PLXNC1: variants seen among roughly 807,000 people sequenced by gnomAD.
PLXNC1 encodes the protein plexin-C1.
Under a neutral mutation model 178.2 loss-of-function variants are expected in PLXNC1, and 75 were observed. The observed-to-expected ratio is 0.42, with a 90% CI of 0.35 to 0.51. The LOEUF (loss-of-function observed/expected upper bound fraction) is 0.51. PLXNC1 is among the 20% of genes least tolerant of loss of function. The pLI is 0.02. For missense variants in PLXNC1, 1,503 were observed against 1,984.4 expected (o/e 0.76, Z 4.61); for synonymous variants, 790 against 779.9 (o/e 1.01, Z -0.22).
At chr12:94,218,258 C>T (rs1029778775) in intron 5 of PLXNC1, among the ~76,000 whole-genome samples, 19 of 152,136 alleles carry the variant, frequency 1.2e-4, no homozygotes, top group African/African-American at 4.6e-4. Flanking sequence ...ACTGAAAGAA[C>T]TTGCCTTCTT....
intron 26 of PLXNC1, among the ~76,000 whole-genome samples, chr12:94,298,014 C>T (rs1217928741): frequency 6.6e-6 from 1 of 151,972 alleles, no homozygotes; most frequent in African/African-American, 2.4e-5. Context: ...ACTATAAATG[C>T]TATGATCTAC....
intron 15 of PLXNC1, among the ~76,000 whole-genome samples, chr12:94,254,203 T>C (rs1964777973): frequency 6.6e-6 from 1 of 152,202 alleles, no homozygotes. Flanking sequence ...AGCAAGGACA[T>C]GAACCCAAGC....
chr12:94,251,167 A>G (rs1327765751), intron 14 of PLXNC1, among the ~76,000 whole-genome samples: 1 of 152,208 alleles, frequency 6.6e-6, no homozygotes, highest in African/African-American at 2.4e-5. Context: ...CCCCCAGAGC[A>G]AAGAGGGCCA....
chr12:94,201,645 C>T (rs1963120428), intron 4 of PLXNC1, among the ~76,000 whole-genome samples: 1 of 151,946 alleles, frequency 6.6e-6, no homozygotes, highest in Non-Finnish European at 1.5e-5. Flanking sequence ...TAAGTTCTAG[C>T]CAAGCTGGTC....
Position 94,297,302 on chromosome 12 carries a change from T to G in PLXNC1, c.3967-14T>G. The G allele has an allele frequency of 1.2e-6, 2 of 1,613,100 alleles. No homozygotes were observed. The highest frequency in any genetic ancestry group is 1.7e-6 in the Non-Finnish European group (2 of 1,179,036). On this transcript the variant is annotated splice_polypyrimidine_tract_variant and intron_variant, in intron 25 of 30. Coordinates refer to ENST00000258526, the MANE Select transcript of PLXNC1 (RefSeq NM_005761.3). ...TGGTCTCCTTGGGTAACGCTTCTGC[T>G]GTCTTCCCTTCAGATTTTACCAGAT...
intron 2 of PLXNC1, among the ~76,000 whole-genome samples, chr12:94,177,707 A>G (rs963540323): frequency 3.3e-5 from 5 of 152,152 alleles, no homozygotes; most frequent in Admixed American, 3.3e-4. Context: ...AAATAAATCA[A>G]TGTTGCACCC....
chr12:94,150,589 C>T (rs1039177460), intron 1 of PLXNC1, among the ~76,000 whole-genome samples: 5 of 152,242 alleles, frequency 3.3e-5, no homozygotes, highest in Non-Finnish European at 7.3e-5. Context: ...GTTGCTAGCC[C>T]GCTCAGCGTG....
chr12:94,175,027 A>G (rs1416991004), intron 2 of PLXNC1, among the ~76,000 whole-genome samples: 1 of 152,240 alleles, frequency 6.6e-6, no homozygotes, highest in Non-Finnish European at 1.5e-5. Flanking sequence ...CTTGATCTTT[A>G]TATTTCATCT....
At position 94,158,752 on chromosome 12, in the gene PLXNC1, G is replaced by A. The variant is rs767273489; in HGVS notation, c.1062+8719G>A. ...GGAGTTAAAATCCAGCCTGAACAAC[G>A]TAACACGACCCTGTCTCTTGAGAAA... is the stretch of plus-strand genomic sequence containing the variant. On this transcript the variant is annotated intron_variant, in intron 1 of 30. Transcript: ENST00000258526. 4.6e-5 allele frequency among the ~76,000 whole-genome samples: 7 copies of A among 152,298 alleles called. No homozygotes were observed. In the East Asian group the frequency reaches 5.8e-4, roughly 13 times the overall value.
chr12:94,236,105 A>G (rs1310802907), intron 9 of PLXNC1, among the ~76,000 whole-genome samples: 1 of 152,262 alleles, frequency 6.6e-6, no homozygotes, highest in Non-Finnish European at 1.5e-5. Context: ...AATGCAGTCA[A>G]GTATAACAGA....
At chr12:94,294,463 A>AT in intron 23 of PLXNC1, 23 bp from the exon 24 acceptor site, 1 of 1,110,966 alleles carries the variant, frequency 9.0e-7, no homozygotes, top group South Asian at 1.3e-5. Flanking sequence ...GAACACTCAT[A>AT]TATCTTTTAT....
chr12:94,301,144 T>C, intron 28 of PLXNC1, 87 bp downstream of exon 28: 2 of 1,260,164 alleles, frequency 1.6e-6, no homozygotes, highest in Non-Finnish European at 1.1e-6. Context: ...TAATAAACAA[T>C]TGGTCTAAAC....
intron 9 of PLXNC1, among the ~76,000 whole-genome samples, chr12:94,228,903 C>G (rs112699445): frequency 6.6e-6 from 1 of 152,262 alleles, no homozygotes; most frequent in Non-Finnish European, 1.5e-5. Context: ...GCTCTCAGTT[C>G]TTTTCGGTAT....
intron 5 of PLXNC1, among the ~76,000 whole-genome samples, chr12:94,219,656 A>G (rs1001816042): frequency 2.0e-5 from 3 of 152,114 alleles, no homozygotes; most frequent in Admixed American, 6.5e-5. Flanking sequence ...TATGACAGAT[A>G]AAGATTAATA....
chr12:94,230,216 C>T (rs1439787301), intron 9 of PLXNC1, among the ~76,000 whole-genome samples: 2 of 152,196 alleles, frequency 1.3e-5, no homozygotes, highest in Non-Finnish European at 2.9e-5. Context: ...CTTTGGGGGA[C>T]TGGCTCTTTT....
rs766804196 is a variant in PLXNC1, at chr12:94,149,238, G to A, written c.267G>A (p.Glu89=). The A allele has an allele frequency of 1.3e-6, 2 of 1,565,074 alleles. No homozygotes were observed. Among genetic ancestry groups the A allele is most frequent in the Non-Finnish European group, 1.7e-6 (2 of 1,162,276 alleles). ...LYRDQAGNCT[E]PVSLAPPARP... ...GGGACCAAGCGGGCAACTGCACAGA[G>A]CCGGTCTCGCTGGCGCCCCCCGCGC... The change falls in exon 1 of 31, where the codon GAG becomes GAA. Residue 89 remains glutamate (E), a synonymous_variant. Coordinates refer to ENST00000258526, the MANE Select transcript of PLXNC1 (RefSeq NM_005761.3).
rs148491556 is a variant in PLXNC1, at chr12:94,224,855, C to T, written c.1790+540C>T. 5.5e-4 allele frequency among the ~76,000 whole-genome samples: 84 copies of T among 152,198 alleles called. 1 individual carries two copies. In the East Asian group the frequency reaches 0.015, roughly 26 times the overall value. ...CTAGGAGATGGAGGTTGCAGTGAGCCGGGATGGCGCCCCGCATTCCAGTCT... is the reference window on the plus strand; with the variant it reads ...CTAGGAGATGGAGGTTGCAGTGAGCTGGGATGGCGCCCCGCATTCCAGTCT... On this transcript the variant is annotated intron_variant, in intron 7 of 30. Transcript: ENST00000258526.
In PLXNC1 at chr12:94,149,346, CG is replaced by C. The variant is rs1350513859; in HGVS notation, c.377del (p.Gly126AlafsTer17). ...CCGGCCTCGGGGGGCTGCTGCTCAC[CG>C]GCTGGACCTTCGACCGGGGCGCCTG... is the stretch of plus-strand genomic sequence containing the variant. ...AAGLGGLLLTGWTFDRGACEV... is the reference protein window; with the variant it reads ...AAGLGGLLLTXWTFDRGACEV... On this transcript the variant is annotated frameshift_variant, in exon 1 of 31. Coordinates refer to ENST00000258526, the MANE Select transcript of PLXNC1 (RefSeq NM_005761.3). LOFTEE classifies it high-confidence loss of function. 7.0e-7 allele frequency: 1 copy of C among 1,435,728 alleles called. No homozygotes were observed. Among genetic ancestry groups the C allele is most frequent in the Non-Finnish European group, 9.1e-7 (1 of 1,104,724 alleles). 88.9% of individuals were successfully genotyped at this position (1,435,728 alleles called of 1,614,324 possible). A position where few individuals can be genotyped will look rare whatever the true frequency, so the allele number is the denominator to read the frequency against.
chr12:94,239,309 C>G (rs1441416648), intron 10 of PLXNC1, among the ~76,000 whole-genome samples: 2 of 152,126 alleles, frequency 1.3e-5, no homozygotes, highest in Non-Finnish European at 2.9e-5. Context: ...GAGAAAAATA[C>G]TAGTAGTGGA....
Sources: allele counts gnomAD v4.1 joint callset (sites outside exome capture counted in the v4.1 genomes callset), GRCh38; gene constraint gnomAD v4.1.1; transcripts MANE v1.5; gene names NCBI Gene and HGNC (gene_info 2026-07-23, HGNC 2026-07-21).